The following DIAPH2 variants were observed in gnomAD, a reference collection of about 807,000 sequenced individuals.
The protein encoded by DIAPH2 is protein diaphanous homolog 2.
A neutral mutation model predicts 92.7 loss-of-function variants in DIAPH2; 35 were observed. The ratio of observed to expected loss-of-function variants is 0.38; its 90% CI spans 0.29 to 0.50. The LOEUF is 0.50. DIAPH2 is among the 20% of genes least tolerant of loss of function. The pLI is 0.94. For synonymous variants in DIAPH2, 301 were observed against 280.4 expected (o/e 1.07, Z -0.73); for missense variants, 701 against 819.5 (o/e 0.86, Z 1.77).
chrX:97,306,398 G>A (rs2068747295), intron 23 of DIAPH2, among the ~76,000 whole-genome samples: 1 of 111,220 alleles, frequency 9.0e-6, no homozygotes, highest in Non-Finnish European at 1.9e-5. Flanking sequence ...GCCCCTTTCT[G>A]TAAGCTGTCA....
intron 16 of DIAPH2, among the ~76,000 whole-genome samples, chrX:96,964,704 T>C (rs1175632522): frequency 9.0e-6 from 1 of 111,726 alleles, no homozygotes; most frequent in Non-Finnish European, 1.9e-5. Flanking sequence ...GCTATCATTA[T>C]GGTTGCTACC....
intron 3 of DIAPH2, among the ~76,000 whole-genome samples, chrX:96,756,547 T>C (rs915203749): frequency 2.7e-5 from 3 of 112,057 alleles, no homozygotes; most frequent in Non-Finnish European, 5.6e-5. Context: ...ATGTTTGGAT[T>C]GTTTCTACTC....
intron 26 of DIAPH2, among the ~76,000 whole-genome samples, chrX:97,506,310 C>T (rs552769161): frequency 6.5e-5 from 7 of 107,894 alleles, no homozygotes; most frequent in African/African-American, 2.0e-4. Flanking sequence ...CCATGAAGCC[C>T]GGCTAATTTT....
intron 23 of DIAPH2, among the ~76,000 whole-genome samples, chrX:97,334,472 A>AACAAAAC (rs1556028859): frequency 1.1e-4 from 9 of 84,434 alleles, no homozygotes; most frequent in Admixed American, 7.6e-4. Flanking sequence ...CAAAAAAAAA[A>AACAAAAC]AAAAAACAAA....
intron 23 of DIAPH2, among the ~76,000 whole-genome samples, chrX:97,323,906 A>G (rs2068927778): frequency 1.9e-5 from 2 of 107,452 alleles, no homozygotes; most frequent in Non-Finnish European, 3.9e-5. Flanking sequence ...TCTGTCTCAA[A>G]AAAAAAAAAA....
intron 22 of DIAPH2, among the ~76,000 whole-genome samples, chrX:97,186,362 T>C (rs2067604819): frequency 8.9e-6 from 1 of 112,121 alleles, no homozygotes; most frequent in South Asian, 3.7e-4. Context: ...AGCCTTTTAA[T>C]TTAATTTTTA....
intron 13 of DIAPH2, among the ~76,000 whole-genome samples, chrX:96,944,541 A>G (rs1461507446): frequency 1.8e-5 from 2 of 112,032 alleles, no homozygotes; most frequent in African/African-American, 6.5e-5. Flanking sequence ...CCATCCTGGG[A>G]TATTACTGAT....
At chrX:97,166,997 G>T (rs1342039560) in intron 22 of DIAPH2, among the ~76,000 whole-genome samples, 1 of 111,584 alleles carries the variant, frequency 9.0e-6, no homozygotes, top group Admixed American at 9.5e-5. Context: ...ACTAAATCTT[G>T]TGTTTCTGAG....
chrX:97,293,832 G>A (rs2068620301), intron 23 of DIAPH2, among the ~76,000 whole-genome samples: 1 of 111,681 alleles, frequency 9.0e-6, no homozygotes, highest in African/African-American at 3.2e-5. Context: ...ATCTTTGTTT[G>A]TTCCTAATTT....
At chrX:97,255,473 T>G (rs751411782) in intron 23 of DIAPH2, among the ~76,000 whole-genome samples, 1 of 112,052 alleles carries the variant, frequency 8.9e-6, no homozygotes, top group South Asian at 3.7e-4. Flanking sequence ...GCATACTGGT[T>G]TATGTACTCT....
At chrX:96,919,616 A>T in intron 9 of DIAPH2, among the ~76,000 whole-genome samples, 1 of 111,539 alleles carries the variant, frequency 9.0e-6, no homozygotes, top group Non-Finnish European at 1.9e-5. Flanking sequence ...AACACAATTA[A>T]TTTTTTATGT....
In DIAPH2 at chrX:97,018,902, A is replaced by G. The variant is rs1178936444; in HGVS notation, c.2050+53695A>G. ...CCTAAAAATCTTCCGTGCCCTACCTATTCATGCCTTCATTCCTCCCTCCAA... is the reference window on the plus strand; with the variant it reads ...CCTAAAAATCTTCCGTGCCCTACCTGTTCATGCCTTCATTCCTCCCTCCAA... On this transcript the variant is annotated intron_variant, in intron 17 of 26. Coordinates refer to ENST00000324765, the MANE Select transcript of DIAPH2 (RefSeq NM_006729.5). Among the ~76,000 whole-genome samples the G allele has an allele frequency of 3.6e-5, 4 of 111,407 alleles. No homozygotes were observed. The Admixed American group carries it at 3.8e-4, about 11-fold the overall frequency.
intron 17 of DIAPH2, among the ~76,000 whole-genome samples, chrX:97,042,990 A>G (rs1161187867): frequency 8.9e-6 from 1 of 112,035 alleles, no homozygotes; most frequent in Non-Finnish European, 1.9e-5. Flanking sequence ...TAACTTATTT[A>G]ACCATTTGAA....
intron 26 of DIAPH2, among the ~76,000 whole-genome samples, chrX:97,584,518 C>CT (rs1253929907): frequency 8.9e-6 from 1 of 111,920 alleles, no homozygotes; most frequent in African/African-American, 3.2e-5. Flanking sequence ...CCACTTATAC[C>CT]TTTTTTTGAC....
At chrX:96,874,961 CA>C (rs1183971559) in intron 4 of DIAPH2, among the ~76,000 whole-genome samples, 3 of 111,582 alleles carry the variant, frequency 2.7e-5, no homozygotes, top group Non-Finnish European at 5.7e-5. Context: ...CTCCAAAATC[CA>C]AAACTTCTTG....
At position 97,373,881 on chromosome X, in the gene DIAPH2, C is replaced by T. The variant is rs1396267565; in HGVS notation, c.3010-10028C>T. 4.5e-5 allele frequency among the ~76,000 whole-genome samples: 5 copies of T among 110,344 alleles called. No homozygotes were observed. In the East Asian group the frequency reaches 1.4e-3, roughly 32 times the overall value. On this transcript the variant is annotated intron_variant, in intron 24 of 26. Coordinates refer to ENST00000324765, the MANE Select transcript of DIAPH2 (RefSeq NM_006729.5). Reference sequence around the variant, plus strand: ...CCTCCCAAAGTGCTAGAATTACAGGCGTGAGCCACTGTGCCCGGCCTGAGG... The same window carrying T: ...CCTCCCAAAGTGCTAGAATTACAGGTGTGAGCCACTGTGCCCGGCCTGAGG...
chrX:97,042,316 T>C (rs1228585825), intron 17 of DIAPH2, among the ~76,000 whole-genome samples: 1 of 111,928 alleles, frequency 8.9e-6, no homozygotes, highest in African/African-American at 3.2e-5. Context: ...TCATATTAAA[T>C]GTAGAACTAT....
chrX:97,363,751 CTTAT>C (rs1735797580), intron 24 of DIAPH2, among the ~76,000 whole-genome samples: 1 of 105,541 alleles, frequency 9.5e-6, no homozygotes, highest in Non-Finnish European at 1.9e-5. Flanking sequence ...ACTCGGATAT[CTTAT>C]TTAAGAAGAT....
intron 22 of DIAPH2, among the ~76,000 whole-genome samples, chrX:97,179,824 G>C (rs1408251881): frequency 1.8e-5 from 2 of 111,850 alleles, no homozygotes; most frequent in African/African-American, 6.5e-5. Context: ...GGCTGGGGAG[G>C]CCTCAGAATC....
Sources: gnomAD v4.1 joint callset for allele counts (sites outside exome capture counted in the v4.1 genomes callset) on GRCh38, gnomAD v4.1.1 for gene constraint, MANE v1.5 for transcripts, NCBI Gene and HGNC (gene_info 2026-07-23, HGNC 2026-07-21) for gene names.